The following RNLS variants were observed in gnomAD, a reference collection of about 807,000 sequenced individuals.
The protein encoded by RNLS is renalase, FAD dependent amine oxidase.
Under a neutral mutation model 39.8 loss-of-function variants are expected in RNLS, and 39 were observed. That is an observed-to-expected ratio of 0.98 (90% CI 0.76 to 1.28). The LOEUF (loss-of-function observed/expected upper bound fraction) is 1.28, where lower values mean the gene tolerates loss of function less well. Ranked by LOEUF, RNLS falls within the 50% of genes most tolerant of loss-of-function variation. The pLI, the probability that RNLS is intolerant of heterozygous loss-of-function variation, is 0.00. For missense variants in RNLS, 410 were observed against 413.3 expected, an observed-to-expected ratio of 0.99 and a Z score of 0.07; for synonymous variants, 147 against 150.7, an observed-to-expected ratio of 0.98 and a Z score of 0.18.
chr10:88,172,842 GTTTTTTTTTTTTTTTT>G, the RNLS span, among the ~76,000 whole-genome samples: 52 of 43,778 alleles, frequency 1.2e-3, 1 homozygote, highest in Admixed American at 4.3e-3. Flanking sequence ...ATTTTGAGTT[GTTTTTTTTTTTTTTTT>G]TTTTTTTTTT....
rs142420279 is a variant in RNLS at position 88,436,104 on chromosome 10, A to G, written c.527-73379T>C. 5.9e-3 allele frequency among the ~76,000 whole-genome samples: 901 copies of G among 152,242 alleles called. 3 individuals carry two copies. The highest frequency in any genetic ancestry group is 9.6e-3 in the Non-Finnish European group (654 of 68,000). Reference sequence around the variant, plus strand: ...AGAGTGTTGGTAAGGGACTGTAGGAAGCCAGATGTGAGGACAAGAAAGAAA... The same window carrying G: ...AGAGTGTTGGTAAGGGACTGTAGGAGGCCAGATGTGAGGACAAGAAAGAAA... On this transcript the variant is annotated intron_variant, in intron 4 of 6. Transcript: ENST00000331772.
chr10:88,551,156 G>A (rs983907555), intron 4 of RNLS, among the ~76,000 whole-genome samples: 22 of 152,042 alleles, frequency 1.4e-4, no homozygotes, highest in African/African-American at 4.1e-4. Context: ...GATGTCCCCA[G>A]GCCACCCAGG....
chr10:88,425,767 A>G (rs1322433109), intron 4 of RNLS, among the ~76,000 whole-genome samples: 1 of 152,118 alleles, frequency 6.6e-6, no homozygotes, highest in Admixed American at 6.6e-5. Context: ...AGGTGAAATG[A>G]CTTACACTTA....
In RNLS at chr10:88,354,549, CT is replaced by C. The variant is rs1024797695; in HGVS notation, c.700+8002del. 2.0e-4 allele frequency among the ~76,000 whole-genome samples: 31 copies of C among 152,280 alleles called. 1 individual carries two copies. Among genetic ancestry groups the C allele is most frequent in the South Asian group, 1.7e-3 (8 of 4,826 alleles). On this transcript the variant is annotated intron_variant, in intron 5 of 6. Coordinates refer to ENST00000331772, the MANE Select transcript of RNLS (RefSeq NM_001031709.3). ...TAAGAATGTTGAATATTGGCCCCCC[CT>C]CTCTTCTGGCTTGTAATTTCTGCCG... is the stretch of plus-strand genomic sequence containing the variant.
At chr10:88,341,329 CA>C (rs755002114) in intron 5 of RNLS, among the ~76,000 whole-genome samples, 495 of 50,706 alleles carry the variant, frequency 9.8e-3, no homozygotes, top group African/African-American at 0.027. Context: ...AACTCCATCT[CA>C]AAAAAAAAAA....
chr10:88,527,068 C>T (rs372730941), intron 4 of RNLS, among the ~76,000 whole-genome samples: 14 of 152,208 alleles, frequency 9.2e-5, no homozygotes, highest in Middle Eastern at 3.4e-3. Flanking sequence ...CTCATCAAGG[C>T]AGAAGACTGG....
the RNLS span, among the ~76,000 whole-genome samples, chr10:88,227,591 A>C: frequency 2.6e-5 from 4 of 152,210 alleles, no homozygotes; most frequent in African/African-American, 9.7e-5. Flanking sequence ...TGGCCTGTCA[A>C]TGGAATAGCT....
At chr10:88,532,206 T>C (rs1406256907) in intron 4 of RNLS, among the ~76,000 whole-genome samples, 1 of 152,100 alleles carries the variant, frequency 6.6e-6, no homozygotes, top group Non-Finnish European at 1.5e-5. Context: ...TTTACATACA[T>C]ATAATACACA....
chr10:88,523,437 G>C (rs1846883610), intron 4 of RNLS, among the ~76,000 whole-genome samples: 1 of 152,208 alleles, frequency 6.6e-6, no homozygotes, highest in East Asian at 1.9e-4. Context: ...TCAAATGTCA[G>C]TTTAAGCCTA....
At chr10:88,421,517 C>A (rs1854409093) in intron 4 of RNLS, among the ~76,000 whole-genome samples, 1 of 152,118 alleles carries the variant, frequency 6.6e-6, no homozygotes, top group African/African-American at 2.4e-5. Flanking sequence ...ATTTCACTGC[C>A]ATCTCCCTGG....
the RNLS span, among the ~76,000 whole-genome samples, chr10:88,177,350 T>C: frequency 1.3e-5 from 2 of 152,192 alleles, no homozygotes; most frequent in Non-Finnish European, 2.9e-5. Context: ...TTTCTTCTGT[T>C]TGAGCTCTTC....
intron 4 of RNLS, among the ~76,000 whole-genome samples, chr10:88,493,922 A>C (rs1212240461): frequency 6.6e-6 from 1 of 152,180 alleles, no homozygotes; most frequent in African/African-American, 2.4e-5. Flanking sequence ...CAAAATGGAG[A>C]ACACTGGAAG....
At chr10:88,402,503 C>A (rs1852994154) in intron 4 of RNLS, among the ~76,000 whole-genome samples, 1 of 151,804 alleles carries the variant, frequency 6.6e-6, no homozygotes, top group Admixed American at 6.6e-5. Flanking sequence ...AGTTTTACAG[C>A]TAAAAGTTTC....
the RNLS span, among the ~76,000 whole-genome samples, chr10:88,249,421 G>A: frequency 3.3e-5 from 5 of 152,128 alleles, no homozygotes; most frequent in African/African-American, 7.2e-5. Flanking sequence ...CTATTGCTGT[G>A]TAACAAATTA....
At chr10:88,417,061 T>C (rs571358735) in intron 4 of RNLS, among the ~76,000 whole-genome samples, 24 of 152,356 alleles carry the variant, frequency 1.6e-4, no homozygotes, top group Non-Finnish European at 2.4e-4. Context: ...CAGAGAGTTA[T>C]ATAGGATGAG....
chr10:88,230,538 G>A, the RNLS span, among the ~76,000 whole-genome samples: 1 of 152,140 alleles, frequency 6.6e-6, no homozygotes, highest in African/African-American at 2.4e-5. Flanking sequence ...ATCTTGGTGA[G>A]TGCAATCTTT....
At chr10:88,285,877 T>G (rs567637324) in intron 6 of RNLS, among the ~76,000 whole-genome samples, 78 of 152,172 alleles carry the variant, frequency 5.1e-4, no homozygotes, top group African/African-American at 1.7e-3. Flanking sequence ...TGGGGCATTT[T>G]GGGAGGTGAT....
At position 88,353,504 on chromosome 10, in the gene RNLS, C is replaced by T. The variant is rs918651887; in HGVS notation, c.700+9048G>A. Among the ~76,000 whole-genome samples the T allele has an allele frequency of 4.6e-5, 7 of 152,266 alleles. No individual in the cohort carries two copies. In the East Asian group the frequency reaches 1.4e-3, roughly 29 times the overall value. Reference sequence around the variant, plus strand: ...ATTCAGGAGCAGCTTGTTCAGTTTCCATGTAGTTGAGCAGTTTTGAGTGAG... The same window carrying T: ...ATTCAGGAGCAGCTTGTTCAGTTTCTATGTAGTTGAGCAGTTTTGAGTGAG... On this transcript the variant is annotated intron_variant, in intron 5 of 6. Coordinates refer to ENST00000331772, the MANE Select transcript of RNLS (RefSeq NM_001031709.3).
At chr10:88,193,574 T>A in the RNLS span, among the ~76,000 whole-genome samples, 5 of 152,144 alleles carry the variant, frequency 3.3e-5, no homozygotes, top group African/African-American at 1.2e-4. Context: ...ACGTATTTTT[T>A]AAGAGCAAAC....
Sources: allele counts gnomAD v4.1 joint callset (sites outside exome capture counted in the v4.1 genomes callset), GRCh38; gene constraint gnomAD v4.1.1; transcripts MANE v1.5; gene names NCBI Gene and HGNC (gene_info 2026-07-23, HGNC 2026-07-21).